UGT2B28: variants seen among roughly 807,000 people sequenced by gnomAD.
UGT2B28 encodes the protein UDP glucuronosyltransferase family 2 member B28.
Under a neutral mutation model 43.6 loss-of-function variants are expected in UGT2B28, and 45 were observed. The observed-to-expected ratio is 1.03, with a 90% CI of 0.81 to 1.32. The LOEUF (loss-of-function observed/expected upper bound fraction) is 1.32, where lower values mean the gene tolerates loss of function less well. UGT2B28 is among the 40% of genes most tolerant of loss of function. UGT2B28 has a pLI of 0.00. For missense variants in UGT2B28, 649 were observed against 625.5 expected (o/e 1.04, Z -0.40); for synonymous variants, 204 against 208.1 (o/e 0.98, Z 0.17).
chr4:69,282,367 A>T (rs1723638783), intron 1 of UGT2B28, 147 bp from the exon 2 acceptor site: 2 of 685,470 alleles, frequency 2.9e-6, no homozygotes, highest in African/African-American at 2.2e-5. Context: ...AAAATATATT[A>T]TTCATATACA....
intron 3 of UGT2B28, among the ~76,000 whole-genome samples, 186 bp from the exon 4 acceptor site, chr4:69,289,478 GT>G (rs1723881134): frequency 2.1e-5 from 3 of 140,690 alleles, no homozygotes; most frequent in African/African-American, 8.3e-5. Context: ...GAAAATAATG[GT>G]TTCTTATATA....
At chr4:69,287,419 C>T (rs1301527688) in intron 3 of UGT2B28, among the ~76,000 whole-genome samples, 1 of 140,670 alleles carries the variant, frequency 7.1e-6, no homozygotes, top group East Asian at 2.0e-4. Context: ...ACTCTTGGAC[C>T]ACCTCTATTA....
In UGT2B28 at chr4:69,280,942, A is replaced by C. The variant is rs188526187; in HGVS notation, c.442A>C (p.Ile148Leu). The C allele has an allele frequency of 1.3e-6, 2 of 1,560,256 alleles. No homozygotes were observed. Among genetic ancestry groups the C allele is most frequent in the Non-Finnish European group, 1.7e-6 (2 of 1,155,724 alleles). ...KKLQESRFDI[I>L]FADAFFPCGE... Reference sequence around the variant, plus strand: ...ACTACAAGAGTCAAGATTTGACATCATTTTTGCAGATGCTTTTTTTCCTTG... The same window carrying C: ...ACTACAAGAGTCAAGATTTGACATCCTTTTTGCAGATGCTTTTTTTCCTTG... Residue 148 changes from isoleucine (I) to leucine (L), a missense_variant, in exon 1 of 6, where the codon ATT becomes CTT. Ile to Leu is a conservative substitution (Grantham distance 5). Transcript: ENST00000335568.
At chr4:69,292,154 CACTA>C (rs1376223907) in intron 5 of UGT2B28, among the ~76,000 whole-genome samples, 1 of 140,142 alleles carries the variant, frequency 7.1e-6, no homozygotes, top group Non-Finnish European at 1.5e-5. Flanking sequence ...ATTCTGGGTG[CACTA>C]ACTTTTTACT....
At chr4:69,281,787 T>C (rs1227492829) in intron 1 of UGT2B28, among the ~76,000 whole-genome samples, 1 of 140,448 alleles carries the variant, frequency 7.1e-6, no homozygotes, top group African/African-American at 2.8e-5. Flanking sequence ...CACTAAAGAA[T>C]TGGAATTCAT....
rs778870178 is a variant in UGT2B28 at position 69,290,804 on chromosome 4, G to C, written c.1303G>C (p.Asp435His). The change falls in exon 5 of 6, where the codon GAT becomes CAT. Residue 435 changes from aspartate (D) to histidine (H), a missense_variant. Asp to His is a moderately conservative substitution (Grantham distance 81). Coordinates refer to ENST00000335568, the MANE Select transcript of UGT2B28 (RefSeq NM_053039.2). ...GAATGCACTGAAGACAGTAATTAAT[G>C]ATCCTTCGTGAGTAGAACAGTATTT... ...LLNALKTVINDPSYKENVMKL... is the reference protein window; with the variant it reads ...LLNALKTVINHPSYKENVMKL... 2.0e-5 allele frequency: 31 copies of C among 1,558,952 alleles called. 6 individuals are homozygous for C. In the South Asian group the frequency reaches 3.7e-4, roughly 18 times the overall value.
intron 3 of UGT2B28, among the ~76,000 whole-genome samples, chr4:69,288,430 T>C (rs1298557019): frequency 2.9e-5 from 4 of 139,692 alleles, no homozygotes; most frequent in East Asian, 2.0e-4. Flanking sequence ...CAAATGAATA[T>C]ATTACAATTA....
Position 69,280,650 on chromosome 4 carries a change from T to A in UGT2B28, c.150T>A (p.Gly50=). ...KTILKELVQR[G]HEVTVLASSA... is the part of the protein sequence containing the mutation. ...TCCTGAAAGAGCTTGTTCAGAGAGG[T>A]CATGAGGTGACTGTACTGGCATCTT... The change falls in exon 1 of 6, where the codon GGT becomes GGA. Residue 50 remains glycine (G), a synonymous_variant. Transcript: ENST00000335568. The A allele has an allele frequency of 6.4e-7, 1 of 1,560,772 alleles. No individual in the cohort carries two copies. The highest frequency in any genetic ancestry group is 8.7e-7 in the Non-Finnish European group (1 of 1,155,984).
Position 69,286,751 on chromosome 4 carries a change from G to A in UGT2B28, c.871-1G>A. ...TGTGATTAAACAATTTTTTTTCACA[G>A]GAAATGGAGGAATTTGTACAGAGCT... On this transcript the variant is annotated splice_acceptor_variant, in intron 2 of 5. Transcript: ENST00000335568. LOFTEE classifies it high-confidence loss of function. 2 of 1,551,738 alleles carry A rather than the reference G, an allele frequency of 1.3e-6. No homozygotes were observed. Among genetic ancestry groups the A allele is most frequent in the Non-Finnish European group, 1.7e-6 (2 of 1,153,026 alleles).
Position 69,281,109 on chromosome 4 carries a change from T to G in UGT2B28, c.609T>G (p.Asp203Glu), listed in dbSNP as rs1183049800. The change falls in exon 1 of 6, where the codon GAT becomes GAG. Residue 203 changes from aspartate to glutamate, a missense_variant. Coordinates refer to ENST00000335568, the MANE Select transcript of UGT2B28 (RefSeq NM_053039.2). Reference protein sequence around the residue: ...YIPVVMSKLSDQMTFMERVKN... With the variant: ...YIPVVMSKLSEQMTFMERVKN... ...CTGTTGTTATGTCAAAATTAAGTGA[T>G]CAAATGACTTTCATGGAGAGGGTAA... The G allele has an allele frequency of 6.4e-7, 1 of 1,559,496 alleles. No homozygotes were observed. The highest frequency in any genetic ancestry group is 8.7e-7 in the Non-Finnish European group (1 of 1,155,348).
In UGT2B28 at chr4:69,284,406, C is replaced by A. The variant is rs1723709707; in HGVS notation, c.870+1744C>A. Among the ~76,000 whole-genome samples, 2 of 140,598 alleles carry A rather than the reference C, an allele frequency of 1.4e-5. 1 individual carries two copies. The highest frequency in any genetic ancestry group is 4.7e-4 in the South Asian group (2 of 4,230). 92.2% of individuals were successfully genotyped at this position (140,598 alleles called of 152,430 possible). A position where few individuals can be genotyped will look rare whatever the true frequency, so the allele number is the denominator to read the frequency against. On this transcript the variant is annotated intron_variant, in intron 2 of 5. Transcript: ENST00000335568. ...ATTATTACTCAACCTCTTAAAAGAA[C>A]ATTTTTGCTTACATAAAACTGATAT... is the stretch of plus-strand genomic sequence containing the variant.
rs960485282 is a variant in UGT2B28 at position 69,288,403 on chromosome 4, C to T, written c.1003-1262C>T. On this transcript the variant is annotated intron_variant, in intron 3 of 5. Transcript: ENST00000335568. ...ACAAGTAGATACATTTATACTACTT[C>T]TCATATTATTCAAAAACAAATGAAT... 2.9e-5 allele frequency among the ~76,000 whole-genome samples: 4 copies of T among 139,230 alleles called. 1 individual carries two copies. Among genetic ancestry groups the T allele is most frequent in the African/African-American group, 1.1e-4 (4 of 35,696 alleles). The allele number at this position is 139,230 out of a possible 152,430, so 91.3% of individuals were successfully genotyped here.
chr4:69,293,229 T>G lies in UGT2B28; in HGVS notation c.1311-1301T>G, dbSNP rs576456038. On this transcript the variant is annotated intron_variant, in intron 5 of 5. Transcript: ENST00000335568. ...CTAATGTTGTGATTCGAAGTCAGGC[T>G]AATCCTTAGTTGGAGGACAAAAGTA... Among the ~76,000 whole-genome samples, 2 of 139,954 alleles carry G rather than the reference T, an allele frequency of 1.4e-5. 1 individual carries two copies. Among genetic ancestry groups the G allele is most frequent in the African/African-American group, 5.6e-5 (2 of 35,900 alleles). 91.8% of individuals were successfully genotyped at this position (139,954 alleles called of 152,430 possible).
In UGT2B28 at chr4:69,282,716, T is replaced by G; in HGVS notation, c.870+54T>G. 2 of 1,528,040 alleles carry G rather than the reference T, an allele frequency of 1.3e-6. 1 individual carries two copies. The highest frequency in any genetic ancestry group is 3.1e-5 in the African/African-American group (2 of 63,930). 94.7% of individuals were successfully genotyped at this position (1,528,040 alleles called of 1,614,324 possible). ...GTTGGCTTCGAAGTTTCAGTAGAAATGAGTCTATAGCCTTCATTCAAAATG... is the reference window on the plus strand; with the variant it reads ...GTTGGCTTCGAAGTTTCAGTAGAAAGGAGTCTATAGCCTTCATTCAAAATG... On this transcript the variant is annotated intron_variant, in intron 2 of 5. Coordinates refer to ENST00000335568, the MANE Select transcript of UGT2B28 (RefSeq NM_053039.2).
rs368620619 is a variant in UGT2B28 at position 69,290,618 on chromosome 4, A to G, written c.1117A>G (p.Thr373Ala). The change falls in exon 5 of 6, where the codon ACT becomes GCT. Residue 373 changes from threonine (T) to alanine (A), a missense_variant. Thr to Ala is a moderately conservative substitution (Grantham distance 58). Coordinates refer to ENST00000335568, the MANE Select transcript of UGT2B28 (RefSeq NM_053039.2). ...TCTTCCAAAAACCAGAGCTTTTATAACTCATGGTGGAGCCAATGGCATCTA... is the reference window on the plus strand; with the variant it reads ...TCTTCCAAAAACCAGAGCTTTTATAGCTCATGGTGGAGCCAATGGCATCTA... ...LGLPKTRAFITHGGANGIYEA... is the reference protein window; with the variant it reads ...LGLPKTRAFIAHGGANGIYEA... The G allele has an allele frequency of 3.2e-6, 5 of 1,558,578 alleles. 1 individual carries two copies. The African/African-American group carries it at 7.6e-5, about 24-fold the overall frequency.
chr4:69,290,914 G>T, intron 5 of UGT2B28, 103 bp downstream of exon 5: 1 of 1,327,516 alleles, frequency 7.5e-7, no homozygotes, highest in African/African-American at 1.7e-5. Flanking sequence ...AATCTTGAAA[G>T]AATTTAAATG....
rs1289643867 is a variant in UGT2B28 at position 69,294,861 on chromosome 4, T to C, written c.*52T>C. The C allele has an allele frequency of 6.9e-7, 1 of 1,452,668 alleles. No individual in the cohort carries two copies. Among genetic ancestry groups the C allele is most frequent in the African/African-American group, 1.6e-5 (1 of 62,024 alleles). The allele number at this position is 1,452,668 out of a possible 1,614,324, so 90.0% of individuals were successfully genotyped here. ...ACCAGATAGATGGGTTGACATCAGT[T>C]TATTCCAGCAAGAAAGAAAAGATTG... On this transcript the variant is annotated 3_prime_UTR_variant, in exon 6 of 6. Transcript: ENST00000335568.
At chr4:69,283,776 C>T (rs1345814473) in intron 2 of UGT2B28, among the ~76,000 whole-genome samples, 1 of 140,214 alleles carries the variant, frequency 7.1e-6, no homozygotes, top group African/African-American at 2.8e-5. Context: ...TTTAAGAGAA[C>T]CAGATTATTC....
chr4:69,280,834 G>A lies in UGT2B28; in HGVS notation c.334G>A (p.Glu112Lys). Residue 112 changes from glutamate to lysine, a missense_variant, in exon 1 of 6, where the codon GAA (glutamate) becomes AAA (lysine). Glu to Lys is a moderately conservative substitution (Grantham distance 56). Transcript: ENST00000335568. ...TAGCTTTTGGTTATATTTTTCACAAGAACAAGAAATCCTGTGGGAATTTCA... is the reference window on the plus strand; with the variant it reads ...TAGCTTTTGGTTATATTTTTCACAAAAACAAGAAATCCTGTGGGAATTTCA... ...KDSFWLYFSQ[E>K]QEILWEFHDI... is the part of the protein sequence containing the mutation. The A allele has an allele frequency of 6.4e-7, 1 of 1,562,952 alleles. No homozygotes were observed. The highest frequency in any genetic ancestry group is 8.6e-7 in the Non-Finnish European group (1 of 1,156,446).
Sources: gnomAD v4.1 joint callset for allele counts (sites outside exome capture counted in the v4.1 genomes callset) on GRCh38, gnomAD v4.1.1 for gene constraint, MANE v1.5 for transcripts, NCBI Gene and HGNC (gene_info 2026-07-23, HGNC 2026-07-21) for gene names.